Variants in PSMC6 observed in about 807,000 individuals in gnomAD.
The protein encoded by PSMC6 is 26S proteasome regulatory subunit 10B.
A neutral mutation model predicts 55.9 loss-of-function variants in PSMC6; 3 were observed. The observed-to-expected ratio is 0.05, with a 90% CI of 0.02 to 0.14. The LOEUF is 0.14. Ranked by LOEUF, PSMC6 falls within the 10% of genes least tolerant of loss-of-function variation. The pLI is 1.00. For synonymous variants in PSMC6, 137 were observed against 155.9 expected (o/e 0.88, Z 0.90); for missense variants, 210 against 478.7 (o/e 0.44, Z 5.24).
rs71444775 is a variant in PSMC6, at chr14:52,720,367, CAAAAAAA to C, written c.778-470_778-464del. Among the ~76,000 whole-genome samples the C allele has an allele frequency of 6.2e-3, 256 of 41,454 alleles. 1 individual carries two copies. Among genetic ancestry groups the C allele is most frequent in the African/African-American group, 0.021 (234 of 11,234 alleles). 27.2% of individuals were successfully genotyped at this position (41,454 alleles called of 152,430 possible). A position where few individuals can be genotyped will look rare whatever the true frequency, so the allele number is the denominator to read the frequency against. On this transcript the variant is annotated intron_variant, in intron 10 of 13. Coordinates refer to ENST00000445930, the MANE Select transcript of PSMC6 (RefSeq NM_002806.5). ...TGGGTGACAGAGTGAAACTCTGTCT[CAAAAAAA>C]AAAAAAAAAAAAAAAAAAAAAAATT...
At chr14:52,712,167 T>C (rs1229874897) in intron 6 of PSMC6, among the ~76,000 whole-genome samples, 2 of 152,182 alleles carry the variant, frequency 1.3e-5, no homozygotes, top group African/African-American at 2.4e-5. Flanking sequence ...TGGAATGTCT[T>C]ACACAATCTG....
intron 7 of PSMC6, among the ~76,000 whole-genome samples, chr14:52,717,847 G>A (rs992588380): frequency 4.6e-5 from 7 of 151,982 alleles, no homozygotes; most frequent in Admixed American, 1.3e-4. Flanking sequence ...GAGAGACCCC[G>A]TCTCTGAAAA....
chr14:52,707,381 G>A lies in PSMC6; in HGVS notation c.85+77G>A, dbSNP rs1282106312. On this transcript the variant is annotated intron_variant, in intron 1 of 13. Coordinates refer to ENST00000445930, the MANE Select transcript of PSMC6 (RefSeq NM_002806.5). ...TCTGACAAAGCAGAAGCCTTTCGCC[G>A]AGCCCGGCAACCGAGCCTTAGAGAT... The A allele has an allele frequency of 2.5e-6, 4 of 1,579,876 alleles. No homozygotes were observed. The South Asian group carries it at 3.4e-5, about 14-fold the overall frequency.
In PSMC6 at chr14:52,718,306, A is replaced by G. The variant is rs1333307031; in HGVS notation, c.669A>G (p.Arg223=). 1 of 1,613,044 alleles carries G rather than the reference A, an allele frequency of 6.2e-7. No homozygotes were observed. Among genetic ancestry groups the G allele is most frequent in the Non-Finnish European group, 8.5e-7 (1 of 1,179,060 alleles). The change falls in exon 9 of 14, where the codon AGA becomes AGG. Residue 223 remains arginine (R), a synonymous_variant. Coordinates refer to ENST00000445930, the MANE Select transcript of PSMC6 (RefSeq NM_002806.5). The part of the protein sequence containing the change: ...RLIREMFNYA[R]DHQPCIIFMD... The stretch of plus-strand genomic sequence containing the variant: ...TCAGAGAAATGTTTAATTATGCTAG[A>G]GATCATCAACCATGCATCATTTTTA...
rs200921247 is a variant in PSMC6 at position 52,718,158 on chromosome 14, T to C, written c.591+16T>C. 8 of 1,612,332 alleles carry C rather than the reference T, an allele frequency of 5.0e-6. No individual in the cohort carries two copies. The East Asian group carries it at 1.8e-4, about 36-fold the overall frequency. On this transcript the variant is annotated intron_variant, in intron 8 of 13. Coordinates refer to ENST00000445930, the MANE Select transcript of PSMC6 (RefSeq NM_002806.5). ...TTTCTTAAAGGTAAAGGGAAGATTATTTTGTACTTATTGAAATTTAATTTT... is the reference window on the plus strand; with the variant it reads ...TTTCTTAAAGGTAAAGGGAAGATTACTTTGTACTTATTGAAATTTAATTTT...
At chr14:52,708,593 T>G in intron 3 of PSMC6, 71 bp downstream of exon 3, 1 of 1,551,750 alleles carries the variant, frequency 6.4e-7, no homozygotes, top group Non-Finnish European at 8.8e-7. Flanking sequence ...AAATGCTTAT[T>G]ATTTTAATGA....
chr14:52,708,120 G>A (rs747926585), intron 1 of PSMC6, among the ~76,000 whole-genome samples, 189 bp from the exon 2 acceptor site: 21 of 152,144 alleles, frequency 1.4e-4, no homozygotes, highest in Non-Finnish European at 2.6e-4. Flanking sequence ...TGCTTTCTCT[G>A]TAACATTTTG....
At chr14:52,710,970 GT>G in intron 4 of PSMC6, 130 bp from the exon 5 acceptor site, 1 of 745,876 alleles carries the variant, frequency 1.3e-6, no homozygotes, top group South Asian at 1.5e-5. Context: ...TTAGCATAGA[GT>G]TTATAATCTG....
chr14:52,725,249 G>T lies in PSMC6; in HGVS notation c.1051+1213G>T, dbSNP rs185355524. ...TGCAAGCTGTGCAGTGAACCTAAAG[G>T]CTGTTGCTATCAAAATATACGCTTT... is the stretch of plus-strand genomic sequence containing the variant. On this transcript the variant is annotated intron_variant, in intron 13 of 13. Transcript: ENST00000445930. Among the ~76,000 whole-genome samples the T allele has an allele frequency of 5.3e-5, 8 of 152,138 alleles. No homozygotes were observed. In the East Asian group the frequency reaches 1.5e-3, roughly 29 times the overall value.
chr14:52,710,862 T>G (rs1281836340), intron 4 of PSMC6: 28 of 503,742 alleles, frequency 5.6e-5, no homozygotes, highest in Non-Finnish European at 7.2e-6. Flanking sequence ...CTTTGTGTGT[T>G]AGTCATTTCA....
At chr14:52,718,888 A>G in intron 9 of PSMC6, 89 bp from the exon 10 acceptor site, 1 of 999,012 alleles carries the variant, frequency 1.0e-6, no homozygotes, top group Admixed American at 2.2e-5. Flanking sequence ...TTAATGTTTT[A>G]AGCCACAGAC....
chr14:52,709,512 G>C, intron 4 of PSMC6: 1 of 436,422 alleles, frequency 2.3e-6, no homozygotes, highest in South Asian at 1.6e-5. Context: ...ATAAGCGGTT[G>C]ACATTTTCTA....
chr14:52,720,103 A>G (rs2041872514), intron 10 of PSMC6, among the ~76,000 whole-genome samples: 1 of 151,652 alleles, frequency 6.6e-6, no homozygotes, highest in Non-Finnish European at 1.5e-5. Flanking sequence ...TGTGCCTGTA[A>G]TCCCAGTTAC....
At chr14:52,720,325 GC>G (rs2041876438) in intron 10 of PSMC6, among the ~76,000 whole-genome samples, 1 of 113,158 alleles carries the variant, frequency 8.8e-6, no homozygotes, top group Non-Finnish European at 1.6e-5. Context: ...CGATGATCAG[GC>G]CACAGTACTC....
chr14:52,719,695 A>G (rs949619979), intron 10 of PSMC6, among the ~76,000 whole-genome samples: 1 of 152,248 alleles, frequency 6.6e-6, no homozygotes, highest in East Asian at 1.9e-4. Context: ...AGAAGATAAC[A>G]TAGCATTTGG....
chr14:52,712,882 G>A, intron 6 of PSMC6, among the ~76,000 whole-genome samples: 1 of 152,088 alleles, frequency 6.6e-6, no homozygotes, highest in South Asian at 2.1e-4. Flanking sequence ...CTCCCAAAGT[G>A]TTGGGATTTA....
At chr14:52,712,153 T>C (rs1016034544) in intron 6 of PSMC6, among the ~76,000 whole-genome samples, 1 of 152,214 alleles carries the variant, frequency 6.6e-6, no homozygotes, top group Admixed American at 6.5e-5. Context: ...TTAATGGGAA[T>C]AATTGGAATG....
intron 12 of PSMC6, 113 bp from the exon 13 acceptor site, chr14:52,723,852 A>T: frequency 6.7e-7 from 1 of 1,489,450 alleles, no homozygotes. Context: ...AACAGAGCTG[A>T]TGTCTAGCTG....
chr14:52,708,865 A>G (rs1402302153), intron 4 of PSMC6, 49 bp downstream of exon 4: 1 of 1,601,960 alleles, frequency 6.2e-7, no homozygotes, highest in Non-Finnish European at 8.5e-7. Flanking sequence ...AAGCAGTTTC[A>G]TGTAAGTTAT....
Sources: allele counts gnomAD v4.1 joint callset (sites outside exome capture counted in the v4.1 genomes callset), GRCh38; gene constraint gnomAD v4.1.1; transcripts MANE v1.5; gene names NCBI Gene and HGNC (gene_info 2026-07-23, HGNC 2026-07-21).